The following PRMT9 variants were observed in gnomAD, a reference collection of about 807,000 sequenced individuals.
PRMT9 encodes protein arginine N-methyltransferase 9.
Under a neutral mutation model 83.2 loss-of-function variants are expected in PRMT9, and 59 were observed. The ratio of observed to expected loss-of-function variants is 0.71; its 90% CI spans 0.57 to 0.88. PRMT9 has a LOEUF of 0.88. Ranked by LOEUF, PRMT9 falls within the 40% of genes least tolerant of loss-of-function variation. PRMT9 has a pLI of 0.00. For synonymous variants in PRMT9, 333 were observed against 353.2 expected (o/e 0.94, Z 0.64); for missense variants, 947 against 1,021.9 (o/e 0.93, Z 1.00).
At chr4:147,653,034 A>G (rs1038144300) in intron 9 of PRMT9, among the ~76,000 whole-genome samples, 1 of 152,226 alleles carries the variant, frequency 6.6e-6, no homozygotes, top group Admixed American at 6.5e-5. Context: ...GTGCACACAT[A>G]TATGGATTCA....
intron 9 of PRMT9, among the ~76,000 whole-genome samples, chr4:147,649,456 C>A (rs1395517913): frequency 6.6e-6 from 1 of 152,080 alleles, no homozygotes; most frequent in Non-Finnish European, 1.5e-5. Flanking sequence ...AACCTTCAAG[C>A]TTTCATCTGT....
intron 2 of PRMT9, among the ~76,000 whole-genome samples, chr4:147,677,068 T>G (rs922858812): frequency 6.8e-6 from 1 of 147,986 alleles, no homozygotes; most frequent in African/African-American, 2.5e-5. Context: ...AAAAACTTAA[T>G]ATAACCAAAT....
chr4:147,674,333 C>T lies in PRMT9; in HGVS notation c.339-459G>A, dbSNP rs1292035756. 3.3e-5 allele frequency among the ~76,000 whole-genome samples: 5 copies of T among 152,228 alleles called. No homozygotes were observed. In the East Asian group the frequency reaches 7.7e-4, roughly 24 times the overall value. ...TCAGTTGTACTTGTTATTATAATTACGTATTTTAACTAAATATCATACTAA... is the reference window on the plus strand; with the variant it reads ...TCAGTTGTACTTGTTATTATAATTATGTATTTTAACTAAATATCATACTAA... On this transcript the variant is annotated intron_variant, in intron 2 of 11. Transcript: ENST00000322396.
intron 8 of PRMT9, 65 bp from the exon 9 acceptor site, chr4:147,654,631 A>G (rs1283590805): frequency 3.0e-6 from 3 of 990,686 alleles, no homozygotes; most frequent in African/African-American, 1.6e-5. Context: ...TCACATAAAC[A>G]TCTCCATCCT....
chr4:147,679,994 T>C (rs1736359842), intron 2 of PRMT9, among the ~76,000 whole-genome samples: 1 of 151,996 alleles, frequency 6.6e-6, no homozygotes, highest in South Asian at 2.1e-4. Flanking sequence ...GAAAACAAAT[T>C]TACAAGAAGT....
chr4:147,665,940 ATGAG>A (rs1010578173), intron 6 of PRMT9, among the ~76,000 whole-genome samples: 1 of 152,216 alleles, frequency 6.6e-6, no homozygotes, highest in Non-Finnish European at 1.5e-5. Context: ...GCACACATGT[ATGAG>A]TATTTATCAG....
intron 9 of PRMT9, among the ~76,000 whole-genome samples, chr4:147,653,454 AT>A (rs34227203): frequency 0.31 from 40,574 of 132,378 alleles, 7,961 homozygotes; most frequent in African/African-American, 0.59. Context: ...AAAAAAAAAA[AT>A]ATATATATAT....
intron 8 of PRMT9, among the ~76,000 whole-genome samples, chr4:147,655,980 G>C (rs1339075405): frequency 6.6e-6 from 1 of 152,114 alleles, no homozygotes; most frequent in Non-Finnish European, 1.5e-5. Context: ...CAGTCACTGT[G>C]GTCGGCATTT....
chr4:147,673,920 T>C (rs1468917243), intron 2 of PRMT9, 46 bp from the exon 3 acceptor site: 1 of 1,458,432 alleles, frequency 6.9e-7, no homozygotes, highest in Non-Finnish European at 9.6e-7. Flanking sequence ...AACTATATGC[T>C]ACCAACTGCA....
intron 2 of PRMT9, among the ~76,000 whole-genome samples, chr4:147,676,672 G>A (rs2126636501): frequency 6.6e-6 from 1 of 152,298 alleles, no homozygotes; most frequent in Non-Finnish European, 1.5e-5. Context: ...CTATTAAAAT[G>A]CCTTGCAGTT....
chr4:147,643,281 TAAAAC>T (rs1019554693), intron 9 of PRMT9, among the ~76,000 whole-genome samples: 2 of 150,968 alleles, frequency 1.3e-5, no homozygotes, highest in Middle Eastern at 3.2e-3. Context: ...AATCATAAAA[TAAAAC>T]AAAAAAAAAC....
chr4:147,671,085 GTC>G (rs1735696957), intron 4 of PRMT9, among the ~76,000 whole-genome samples: 1 of 151,988 alleles, frequency 6.6e-6, no homozygotes, highest in Non-Finnish European at 1.5e-5. Flanking sequence ...ACCTTTATCA[GTC>G]TCTTCCTTAA....
In PRMT9 at chr4:147,657,994, G is replaced by A; in HGVS notation, c.1147-19C>T. ...TTAATTCCTGAGAAAAATGTAGAAG[G>A]AATGAAACGGTTTTATATATTTCAT... On this transcript the variant is annotated intron_variant, in intron 7 of 11. Coordinates refer to ENST00000322396, the MANE Select transcript of PRMT9 (RefSeq NM_138364.4). The A allele has an allele frequency of 6.6e-7, 1 of 1,505,828 alleles. No individual in the cohort carries two copies. Among genetic ancestry groups the A allele is most frequent in the East Asian group, 2.3e-5 (1 of 44,122 alleles). 93.3% of individuals were successfully genotyped at this position (1,505,828 alleles called of 1,614,324 possible). A position where few individuals can be genotyped will look rare whatever the true frequency, so the allele number is the denominator to read the frequency against.
intron 1 of PRMT9, among the ~76,000 whole-genome samples, chr4:147,682,842 G>A (rs1316222340): frequency 1.3e-5 from 2 of 152,100 alleles, no homozygotes; most frequent in African/African-American, 4.8e-5. Flanking sequence ...ACATCTAGAC[G>A]CTACTGACAT....
At chr4:147,648,969 C>T (rs971966259) in intron 9 of PRMT9, among the ~76,000 whole-genome samples, 2 of 152,178 alleles carry the variant, frequency 1.3e-5, no homozygotes, top group African/African-American at 4.8e-5. Context: ...TTGTTACTTA[C>T]ATTACTGCAA....
chr4:147,680,691 C>T (rs1736405924), intron 1 of PRMT9, among the ~76,000 whole-genome samples: 1 of 152,222 alleles, frequency 6.6e-6, no homozygotes. Flanking sequence ...TCTGACCACT[C>T]TCTAAACTCC....
Position 147,668,001 on chromosome 4 carries a change from A to AAG in PRMT9, c.953+537_953+538insCT, listed in dbSNP as rs1553994554. Among the ~76,000 whole-genome samples, 350 of 150,398 alleles carry AAG rather than the reference A, an allele frequency of 2.3e-3. 1 individual carries two copies. The highest frequency in any genetic ancestry group is 7.0e-3 in the African/African-American group (288 of 41,148). On this transcript the variant is annotated intron_variant, in intron 6 of 11. Transcript: ENST00000322396. ...TTTCATTTAAAATAGGCAAAAAAAA[A>AAG]AATAAGACCAGTGTAAGCAGCATGA...
chr4:147,646,647 G>A (rs1426397816), intron 9 of PRMT9, among the ~76,000 whole-genome samples: 2 of 151,276 alleles, frequency 1.3e-5, no homozygotes, highest in Non-Finnish European at 2.9e-5. Context: ...GACACAAAGT[G>A]GTGGTGGGCT....
intron 10 of PRMT9, among the ~76,000 whole-genome samples, chr4:147,640,094 A>T (rs62344209): frequency 0.27 from 4,992 of 18,186 alleles, 1,281 homozygotes; most frequent in Non-Finnish European, 0.41. Flanking sequence ...TTTTTTTAAT[A>T]TAGGGTCTCA....
Sources: allele counts gnomAD v4.1 joint callset (sites outside exome capture counted in the v4.1 genomes callset), GRCh38; gene constraint gnomAD v4.1.1; transcripts MANE v1.5; gene names NCBI Gene and HGNC (gene_info 2026-07-23, HGNC 2026-07-21).